SFI1: variants seen among roughly 807,000 people sequenced by gnomAD.
SFI1 encodes protein SFI1 homolog.
In SFI1, 195 loss-of-function variants were observed where a neutral mutation model predicts 207.5. The observed-to-expected ratio is 0.94, with a 90% confidence interval of 0.84 to 1.06. SFI1 has a LOEUF of 1.06. SFI1 is among the 50% of genes least tolerant of loss of function. SFI1 has a pLI of 0.00. For missense variants in SFI1, 1,634 were observed against 1,588.0 expected, an observed-to-expected ratio of 1.03 and a Z score of -0.49; for synonymous variants, 630 against 598.9, an observed-to-expected ratio of 1.05 and a Z score of -0.76.
intron 1 of SFI1, among the ~76,000 whole-genome samples, chr22:31,504,348 C>G (rs774044062): frequency 6.6e-6 from 1 of 152,088 alleles, no homozygotes; most frequent in South Asian, 2.1e-4. Flanking sequence ...ACTAGGACAT[C>G]GGTTTGATGT....
At chr22:31,513,557 T>TTTTTG (rs1555942718) in intron 2 of SFI1, among the ~76,000 whole-genome samples, 3 of 50,134 alleles carry the variant, frequency 6.0e-5, no homozygotes, top group Non-Finnish European at 1.3e-4. Context: ...GCACTTTGGT[T>TTTTTG]TTTCGTTTTG....
Position 31,580,363 on chromosome 22 carries a change from C to A in SFI1, c.1247C>A (p.Thr416Lys). The A allele has an allele frequency of 6.2e-7, 1 of 1,612,916 alleles. No homozygotes were observed. Among genetic ancestry groups the A allele is most frequent in the South Asian group, 1.1e-5 (1 of 91,048 alleles). ...RNLAHQQHGV[T>K]LLHRFWNLWR... is the part of the protein sequence containing the mutation. Reference sequence around the variant, plus strand: ...CTTGCTCACCAGCAGCATGGTGTCACGGTGAGGGTTGTCTTCTGTATCAAG... The same window carrying A: ...CTTGCTCACCAGCAGCATGGTGTCAAGGTGAGGGTTGTCTTCTGTATCAAG... The change falls in exon 12 of 33, where the codon ACG becomes AAG. Residue 416 changes from threonine (T) to lysine (K), a missense_variant and splice_region_variant. Coordinates refer to ENST00000400288, the MANE Select transcript of SFI1 (RefSeq NM_001007467.3).
intron 15 of SFI1, among the ~76,000 whole-genome samples, chr22:31,591,244 A>C (rs1398182553): frequency 1.3e-5 from 2 of 152,160 alleles, no homozygotes; most frequent in Non-Finnish European, 2.9e-5. Context: ...TTTAACTCTG[A>C]GTGGACACAG....
Position 31,613,818 on chromosome 22 carries a change from G to A in SFI1, c.2959G>A (p.Gly987Ser), listed in dbSNP as rs760708119. The change falls in exon 27 of 33, where the codon GGC (glycine) becomes AGC (serine). Residue 987 changes from glycine (G) to serine (S), a missense_variant. Physicochemically the swap from Gly to Ser is moderately conservative, Grantham distance 56. Coordinates refer to ENST00000400288, the MANE Select transcript of SFI1 (RefSeq NM_001007467.3). ...GGCTTCTCGGCCTCTGGGAGCTCTG[G>A]GCCGCCTGGCTGCTGAGGAGCCCCA... Reference protein sequence around the residue: ...PQASRPLGALGRLAAEEPHAL... With the variant: ...PQASRPLGALSRLAAEEPHAL... 1.2e-6 allele frequency: 2 copies of A among 1,609,984 alleles called. No individual in the cohort carries two copies. The highest frequency in any genetic ancestry group is 1.7e-5 in the Admixed American group (1 of 59,694).
intron 29 of SFI1, 25 bp downstream of exon 29, chr22:31,615,304 G>A: frequency 6.9e-7 from 1 of 1,451,594 alleles, no homozygotes. Flanking sequence ...ACCAGGCCTG[G>A]GCACTGGGGC....
chr22:31,537,034 G>A (rs1169539953), intron 4 of SFI1, among the ~76,000 whole-genome samples: 1 of 150,494 alleles, frequency 6.6e-6, no homozygotes, highest in South Asian at 2.2e-4. Flanking sequence ...ACAGGCATGA[G>A]GGGATTTACT....
At chr22:31,516,828 C>G (rs2146943414) in intron 2 of SFI1, among the ~76,000 whole-genome samples, 1 of 152,222 alleles carries the variant, frequency 6.6e-6, no homozygotes, top group East Asian at 1.9e-4. Flanking sequence ...GTGGCACATG[C>G]CTGTAATCCC....
At chr22:31,580,657 C>G (rs1207082352) in intron 12 of SFI1, among the ~76,000 whole-genome samples, 1 of 151,528 alleles carries the variant, frequency 6.6e-6, no homozygotes, top group Non-Finnish European at 1.5e-5. Context: ...ATTCTCCTGC[C>G]TCAGCCTCTT....
chr22:31,550,392 C>T, intron 6 of SFI1, 44 bp downstream of exon 6: 1 of 1,495,962 alleles, frequency 6.7e-7, no homozygotes, highest in Non-Finnish European at 9.3e-7. Context: ...CCCACATTTA[C>T]TTTGCAGAAG....
chr22:31,567,020 C>T (rs1427584174), intron 8 of SFI1, among the ~76,000 whole-genome samples: 1 of 152,124 alleles, frequency 6.6e-6, no homozygotes, highest in African/African-American at 2.4e-5. Flanking sequence ...ATTCTTCTGC[C>T]TCAGCCTCCC....
intron 4 of SFI1, among the ~76,000 whole-genome samples, chr22:31,535,421 C>G (rs1244276365): frequency 4.6e-5 from 7 of 151,782 alleles, no homozygotes; most frequent in African/African-American, 1.7e-4. Context: ...AACTCCTGAC[C>G]TTGTGATCCG....
intron 4 of SFI1, among the ~76,000 whole-genome samples, chr22:31,534,408 T>A (rs541838261): frequency 6.6e-6 from 1 of 152,198 alleles, no homozygotes; most frequent in Non-Finnish European, 1.5e-5. Flanking sequence ...CAACAAATAT[T>A]TACCCTTTCT....
intron 5 of SFI1, among the ~76,000 whole-genome samples, chr22:31,547,829 C>T (rs903853834): frequency 7.0e-6 from 1 of 142,620 alleles, no homozygotes; most frequent in African/African-American, 2.6e-5. Context: ...AGTCTGGTCT[C>T]AATCTCCTGA....
intron 7 of SFI1, among the ~76,000 whole-genome samples, chr22:31,559,163 C>T (rs2061439612): frequency 6.6e-6 from 1 of 152,062 alleles, no homozygotes; most frequent in Non-Finnish European, 1.5e-5. Flanking sequence ...GGACTCATGC[C>T]TGTAATCCCA....
intron 8 of SFI1, among the ~76,000 whole-genome samples, chr22:31,564,390 G>T (rs1318567906): frequency 6.7e-6 from 1 of 148,672 alleles, no homozygotes; most frequent in South Asian, 2.2e-4. Context: ...GATTTAAAAG[G>T]TGTTAGCATT....
intron 10 of SFI1, chr22:31,578,147 C>T: frequency 2.9e-6 from 1 of 340,056 alleles, no homozygotes; most frequent in Non-Finnish European, 5.3e-6. Context: ...TTTTGCGTCT[C>T]ATCTCATGGG....
At chr22:31,596,178 A>C (rs904308086) in intron 15 of SFI1, among the ~76,000 whole-genome samples, 4 of 152,176 alleles carry the variant, frequency 2.6e-5, no homozygotes, top group Non-Finnish European at 5.9e-5. Context: ...ACTTTAACCC[A>C]GGAGGCAGAG....
chr22:31,590,813 G>T (rs888332063), intron 15 of SFI1, among the ~76,000 whole-genome samples: 10 of 148,576 alleles, frequency 6.7e-5, no homozygotes, highest in African/African-American at 2.4e-4. Context: ...AGCGTTTCAA[G>T]TTTTTAAGAG....
At chr22:31,508,883 G>C (rs1172137022) in intron 2 of SFI1, among the ~76,000 whole-genome samples, 1 of 152,024 alleles carries the variant, frequency 6.6e-6, no homozygotes, top group East Asian at 1.9e-4. Context: ...TTCCTGCACT[G>C]TTTCTTGTAG....
Sources: gnomAD v4.1 joint callset for allele counts (sites outside exome capture counted in the v4.1 genomes callset) on GRCh38, gnomAD v4.1.1 for gene constraint, MANE v1.5 for transcripts, NCBI Gene and HGNC (gene_info 2026-07-23, HGNC 2026-07-21) for gene names.